Variants in EXTL3 observed in about 807,000 individuals in gnomAD.
The protein encoded by EXTL3 is exostosin-like 3.
In EXTL3, 27 loss-of-function variants were observed where a neutral mutation model predicts 69.3. The observed-to-expected ratio is 0.39, with a 90% CI of 0.29 to 0.54. The LOEUF is 0.54. EXTL3 is among the 20% of genes least tolerant of loss of function. EXTL3 has a pLI of 0.69. For synonymous variants in EXTL3, 511 were observed against 499.4 expected (o/e 1.02, Z -0.31); for missense variants, 1,003 against 1,231.8 (o/e 0.81, Z 2.78).
chr8:28,630,275 T>C (rs1806552943), intron 1 of EXTL3, among the ~76,000 whole-genome samples: 1 of 152,194 alleles, frequency 6.6e-6, no homozygotes, highest in Non-Finnish European at 1.5e-5. Context: ...ATGTAAGATG[T>C]GCCTTTGCTC....
chr8:28,703,623 AG>A (rs941532599), intron 1 of EXTL3, among the ~76,000 whole-genome samples: 5 of 151,888 alleles, frequency 3.3e-5, no homozygotes, highest in African/African-American at 7.3e-5. Context: ...GGTCTTCTGG[AG>A]GAGGGTGGGA....
At chr8:28,616,090 A>G (rs556304534) in intron 2 of EXTL3, among the ~76,000 whole-genome samples, 3 of 152,272 alleles carry the variant, frequency 2.0e-5, no homozygotes, top group South Asian at 2.1e-4. Context: ...AAGAAAAAAG[A>G]TATCACTGGT....
At chr8:28,614,437 C>T (rs1229807602) in intron 2 of EXTL3, among the ~76,000 whole-genome samples, 1 of 151,916 alleles carries the variant, frequency 6.6e-6, no homozygotes, top group Non-Finnish European at 1.5e-5. Flanking sequence ...CCATGCCCAG[C>T]TAATTTTTGT....
chr8:28,619,886 T>A (rs1806387430), upstream of EXTL3, among the ~76,000 whole-genome samples: 1 of 87,346 alleles, frequency 1.1e-5, no homozygotes, highest in South Asian at 3.9e-4. Flanking sequence ...TTTTTTTTTT[T>A]TTGAGACGGA....
chr8:28,707,022 C>T (rs986276221), intron 1 of EXTL3, among the ~76,000 whole-genome samples: 2 of 152,098 alleles, frequency 1.3e-5, no homozygotes, highest in African/African-American at 4.8e-5. Flanking sequence ...TTGAATCCAC[C>T]TGGAACTTAT....
At chr8:28,747,000 C>T (rs1563226131) in intron 6 of EXTL3, among the ~76,000 whole-genome samples, 4 of 66,406 alleles carry the variant, frequency 6.0e-5, no homozygotes. Flanking sequence ...TGATGGATTA[C>T]ATGATTAAAA....
intron 1 of EXTL3, among the ~76,000 whole-genome samples, chr8:28,643,292 C>T (rs1806773033): frequency 6.6e-6 from 1 of 152,148 alleles, no homozygotes; most frequent in Admixed American, 6.6e-5. Flanking sequence ...ACTCATCAAC[C>T]ATTTTAAGAA....
At chr8:28,630,207 G>C (rs1806552044) in intron 1 of EXTL3, among the ~76,000 whole-genome samples, 1 of 152,128 alleles carries the variant, frequency 6.6e-6, no homozygotes, top group Non-Finnish European at 1.5e-5. Context: ...TAAGTCTCAT[G>C]AGATCTGATC....
At chr8:28,720,798 C>T (rs1801278123) in intron 3 of EXTL3, among the ~76,000 whole-genome samples, 1 of 152,138 alleles carries the variant, frequency 6.6e-6, no homozygotes, top group Non-Finnish European at 1.5e-5. Context: ...CTCCCTTGCT[C>T]TTGTATATTT....
intron 6 of EXTL3, among the ~76,000 whole-genome samples, 153 bp downstream of exon 6, chr8:28,743,367 T>C (rs1471604119): frequency 2.0e-5 from 3 of 152,210 alleles, no homozygotes; most frequent in African/African-American, 4.8e-5. Context: ...GTCTGTGAGC[T>C]TAAATGAGTT....
chr8:28,640,091 C>T (rs1008910832), intron 1 of EXTL3, among the ~76,000 whole-genome samples: 1 of 152,088 alleles, frequency 6.6e-6, no homozygotes, highest in African/African-American at 2.4e-5. Context: ...CACAGTAAGA[C>T]TCTGTCTCAA....
Position 28,751,280 on chromosome 8 carries a change from C to T in EXTL3, c.*414C>T, listed in dbSNP as rs560103787. The T allele has an allele frequency of 1.4e-5, 3 of 216,434 alleles. No individual in the cohort carries two copies. Among genetic ancestry groups the T allele is most frequent in the Admixed American group, 5.2e-5 (1 of 19,244 alleles). 13.4% of individuals were successfully genotyped at this position (216,434 alleles called of 1,614,324 possible). ...ATGTGTGTGTATATAAATACATGCA[C>T]ACACTTGCATACATATATATTTTTG... On this transcript the variant is annotated 3_prime_UTR_variant, in exon 7 of 7. Coordinates refer to ENST00000220562, the MANE Select transcript of EXTL3 (RefSeq NM_001440.4).
In EXTL3 at chr8:28,728,283, C is replaced by T. The variant is rs149823660; in HGVS notation, c.2149-2940C>T. Among the ~76,000 whole-genome samples the T allele has an allele frequency of 3.7e-3, 569 of 152,342 alleles. 5 individuals are homozygous for T. The highest frequency in any genetic ancestry group is 0.013 in the African/African-American group (527 of 41,574). On this transcript the variant is annotated intron_variant, in intron 3 of 6. Coordinates refer to ENST00000220562, the MANE Select transcript of EXTL3 (RefSeq NM_001440.4). ...GTCCGGCCCCTTCTTGCCACCCTCC[C>T]GCCCTTTGGCGAGTGGAACCGACAG...
chr8:28,728,274 C>A (rs1801456026), intron 3 of EXTL3, among the ~76,000 whole-genome samples: 1 of 152,246 alleles, frequency 6.6e-6, no homozygotes, highest in African/African-American at 2.4e-5. Context: ...CCCCTTCTTG[C>A]CACCCTCCCG....
At chr8:28,734,363 A>G (rs1417422939) in intron 4 of EXTL3, among the ~76,000 whole-genome samples, 1 of 152,174 alleles carries the variant, frequency 6.6e-6, no homozygotes, top group Non-Finnish European at 1.5e-5. Flanking sequence ...TATTTTACCA[A>G]AGTATTAATC....
rs537810640 is a variant in EXTL3 at position 28,672,859 on chromosome 8, C to T, written c.-52-40598C>T. Among the ~76,000 whole-genome samples the T allele has an allele frequency of 4.6e-5, 7 of 152,292 alleles. No homozygotes were observed. The East Asian group carries it at 1.2e-3, about 25-fold the overall frequency. ...TGAATTGTGGCTTCCACAATTCTCA[C>T]GTGTCATGGGAGGGACCCGGTGGGA... On this transcript the variant is annotated intron_variant, in intron 1 of 6. Coordinates refer to the EXTL3 transcript ENST00000523149.
chr8:28,636,156 C>T lies in EXTL3; in HGVS notation c.-53+13346C>T, dbSNP rs909149135. 5.9e-5 allele frequency among the ~76,000 whole-genome samples: 9 copies of T among 152,062 alleles called. No individual in the cohort carries two copies. In the East Asian group the frequency reaches 1.2e-3, roughly 20 times the overall value. ...GACCACCCTGGGCAACACGGTGAAA[C>T]CCTGTCTCTACTAAAATACAAAAAA... is the stretch of plus-strand genomic sequence containing the variant. On this transcript the variant is annotated intron_variant, in intron 1 of 6. Transcript: ENST00000523149.
rs1554489489 is a variant in EXTL3, at chr8:28,754,033, C to CATGTGTGT, written c.*3167_*3168insATGTGTGT. ...AATTTTTTCATGGGAATTTAAAATG[C>CATGTGTGT]GTGTGTGTGTGTGTGTGTGTGTGTG... is the stretch of plus-strand genomic sequence containing the variant. On this transcript the variant is annotated 3_prime_UTR_variant, in exon 7 of 7. Transcript: ENST00000220562. 2 of 142,170 alleles carry CATGTGTGT rather than the reference C, an allele frequency of 1.4e-5. No individual in the cohort carries two copies. The highest frequency in any genetic ancestry group is 3.2e-5 in the Non-Finnish European group (2 of 63,162). The allele number at this position is 142,170 out of a possible 1,614,324, so 8.8% of individuals were successfully genotyped here. A position where few individuals can be genotyped will look rare whatever the true frequency, so the allele number is the denominator to read the frequency against.
chr8:28,633,673 A>G (rs1313137148), intron 1 of EXTL3, among the ~76,000 whole-genome samples: 1 of 152,214 alleles, frequency 6.6e-6, no homozygotes, highest in African/African-American at 2.4e-5. Context: ...TGAAAATAAT[A>G]TAAATTTAAA....
Sources: allele counts gnomAD v4.1 joint callset (sites outside exome capture counted in the v4.1 genomes callset), GRCh38; gene constraint gnomAD v4.1.1; transcripts MANE v1.5; gene names NCBI Gene and HGNC (gene_info 2026-07-23, HGNC 2026-07-21).